Variants in DMD observed in about 807,000 individuals in gnomAD.
DMD encodes the protein mutant dystrophin.
In DMD, 63 loss-of-function variants were observed where a neutral mutation model predicts 330.1. That is an observed-to-expected ratio of 0.19 (90% CI 0.16 to 0.24). DMD has a LOEUF of 0.24. Ranked by LOEUF, DMD falls within the 10% of genes least tolerant of loss-of-function variation. The pLI, the probability that DMD is intolerant of heterozygous loss-of-function variation, is 1.00. For missense variants in DMD, 3,344 were observed against 2,684.1 expected (o/e 1.25, Z -5.43); for synonymous variants, 1,223 against 959.8 (o/e 1.27, Z -5.07).
intron 1 of DMD, among the ~76,000 whole-genome samples, chrX:33,261,007 T>TAA (rs1381234549): frequency 9.0e-6 from 1 of 111,529 alleles, no homozygotes; most frequent in Non-Finnish European, 1.9e-5. Flanking sequence ...TTATAGACAG[T>TAA]AATATAGATA....
At chrX:31,474,412 A>G (rs1340541385) in intron 59 of DMD, among the ~76,000 whole-genome samples, 3 of 110,749 alleles carry the variant, frequency 2.7e-5, no homozygotes, top group Non-Finnish European at 3.8e-5. Context: ...GGATATATAA[A>G]ATGTTCTTCT....
At chrX:32,858,308 C>T (rs1297494358) in intron 2 of DMD, among the ~76,000 whole-genome samples, 3 of 111,862 alleles carry the variant, frequency 2.7e-5, no homozygotes, top group African/African-American at 9.7e-5. Flanking sequence ...TTAATATATG[C>T]TTGTTTCAAC....
At position 31,374,843 on chromosome X, in the gene DMD, T is replaced by A. The variant is rs1274796292; in HGVS notation, c.9085-26209A>T. On this transcript the variant is annotated intron_variant, in intron 60 of 78. Coordinates refer to ENST00000357033, the MANE Select transcript of DMD (RefSeq NM_004006.3). ...ATAATAAAATAAATAAATAAATAAA[T>A]AAAATGTATTTACTCTTTCAGCATC... Among the ~76,000 whole-genome samples, 3 of 110,962 alleles carry A rather than the reference T, an allele frequency of 2.7e-5. 1 individual carries two copies. The highest frequency in any genetic ancestry group is 9.8e-5 in the African/African-American group (3 of 30,489).
intron 18 of DMD, among the ~76,000 whole-genome samples, chrX:32,507,083 T>G (rs1432795702): frequency 8.9e-6 from 1 of 111,767 alleles, no homozygotes; most frequent in Non-Finnish European, 1.9e-5. Context: ...CTGAGCATCT[T>G]AGAGGAGAAA....
At chrX:33,218,145 G>C (rs2052092443) in intron 1 of DMD, among the ~76,000 whole-genome samples, 1 of 111,077 alleles carries the variant, frequency 9.0e-6, no homozygotes, top group South Asian at 3.8e-4. Context: ...ATCATAAATG[G>C]GGCACTGAAT....
chrX:33,103,933 A>G (rs766450801), intron 1 of DMD, among the ~76,000 whole-genome samples: 5 of 111,942 alleles, frequency 4.5e-5, no homozygotes, highest in Admixed American at 9.6e-5. Flanking sequence ...TTCTTTAAAT[A>G]TATTTTTCCT....
chrX:31,460,592 T>G (rs73212368), intron 59 of DMD, among the ~76,000 whole-genome samples: 13,900 of 111,217 alleles, frequency 0.12, 682 homozygotes, highest in East Asian at 0.25. Context: ...TAAATATATA[T>G]ATAGTTTGAG....
intron 1 of DMD, among the ~76,000 whole-genome samples, chrX:33,321,890 T>A (rs73623946): frequency 0.024 from 2,718 of 111,999 alleles, 88 homozygotes; most frequent in African/African-American, 0.084. Context: ...AGGTGGCTTC[T>A]TTCCTTAAAC....
intron 11 of DMD, among the ~76,000 whole-genome samples, chrX:32,618,622 C>T (rs2057763316): frequency 9.1e-6 from 1 of 110,481 alleles, no homozygotes; most frequent in African/African-American, 3.3e-5. Flanking sequence ...ACAAGTTTAC[C>T]CATGTAACAA....
At chrX:32,468,860 T>A (rs1203945042) in intron 22 of DMD, 150 bp from the exon 23 acceptor site, 3 of 485,238 alleles carry the variant, frequency 6.2e-6, no homozygotes, top group African/African-American at 4.8e-5. Context: ...CTAGTGGTAA[T>A]TTAAATTTTA....
intron 1 of DMD, among the ~76,000 whole-genome samples, chrX:33,218,284 G>C (rs1164772850): frequency 9.0e-6 from 1 of 111,163 alleles, no homozygotes; most frequent in Non-Finnish European, 1.9e-5. Context: ...TTATTGGTCT[G>C]TAATTTGTTG....
chrX:32,592,559 G>A (rs927717742), intron 13 of DMD, among the ~76,000 whole-genome samples: 7 of 111,530 alleles, frequency 6.3e-5, no homozygotes, highest in Non-Finnish European at 7.5e-5. Flanking sequence ...CTCGCTCAAT[G>A]AAGCTCCTCT....
At chrX:31,936,209 A>G in intron 45 of DMD, among the ~76,000 whole-genome samples, 1 of 111,457 alleles carries the variant, frequency 9.0e-6, no homozygotes, top group East Asian at 2.8e-4. Flanking sequence ...TACAATAAAC[A>G]CATTTATTTA....
chrX:32,766,296 TCAA>T (rs1262643186), intron 7 of DMD, among the ~76,000 whole-genome samples: 1 of 111,468 alleles, frequency 9.0e-6, no homozygotes, highest in Non-Finnish European at 1.9e-5. Flanking sequence ...CTCGGATACC[TCAA>T]CAACAATATT....
intron 21 of DMD, among the ~76,000 whole-genome samples, chrX:32,473,158 A>G (rs2040843731): frequency 9.0e-6 from 1 of 111,517 alleles, no homozygotes; most frequent in Non-Finnish European, 1.9e-5. Flanking sequence ...GTAAACCATA[A>G]AAAGGACATA....
At chrX:33,268,556 T>C (rs1226869039) in intron 1 of DMD, among the ~76,000 whole-genome samples, 1 of 111,904 alleles carries the variant, frequency 8.9e-6, no homozygotes, top group Non-Finnish European at 1.9e-5. Context: ...ATGCTCATCA[T>C]CATTAATCAT....
At chrX:31,362,769 C>T (rs775184529) in intron 60 of DMD, among the ~76,000 whole-genome samples, 1 of 112,340 alleles carries the variant, frequency 8.9e-6, no homozygotes, top group South Asian at 3.6e-4. Flanking sequence ...ACGGTGAAAC[C>T]CCGTCTCTAG....
intron 74 of DMD, among the ~76,000 whole-genome samples, chrX:31,161,217 T>C (rs1422183607): frequency 2.7e-5 from 3 of 111,736 alleles, no homozygotes; most frequent in Non-Finnish European, 5.6e-5. Context: ...TAATTCAATA[T>C]TAAGAGACAG....
At chrX:32,005,637 T>C (rs1409847851) in intron 44 of DMD, among the ~76,000 whole-genome samples, 3 of 110,786 alleles carry the variant, frequency 2.7e-5, no homozygotes, top group Non-Finnish European at 3.8e-5. Context: ...TGGGGGAGAT[T>C]GGTGAAAGAG....
Sources: allele counts gnomAD v4.1 joint callset (sites outside exome capture counted in the v4.1 genomes callset), GRCh38; gene constraint gnomAD v4.1.1; transcripts MANE v1.5; gene names NCBI Gene and HGNC (gene_info 2026-07-23, HGNC 2026-07-21).